The following ACSS2 variants were observed in gnomAD, a reference collection of about 807,000 sequenced individuals.
The protein encoded by ACSS2 is acetyl-coenzyme A synthetase, cytoplasmic.
In ACSS2, 58 loss-of-function variants were observed where a neutral mutation model predicts 90.6. That is an observed-to-expected ratio of 0.64 (90% CI 0.52 to 0.80). The LOEUF is 0.80. Among genes scored for constraint, ACSS2 ranks in the 30% least tolerant of loss-of-function variants. The pLI is 0.00. For missense variants in ACSS2, 759 were observed against 912.0 expected (o/e 0.83, Z 2.16); for synonymous variants, 300 against 330.9 (o/e 0.91, Z 1.01).
At chr20:34,893,815 T>C (rs948141819) in intron 2 of ACSS2, among the ~76,000 whole-genome samples, 1 of 152,202 alleles carries the variant, frequency 6.6e-6, no homozygotes, top group Non-Finnish European at 1.5e-5. Flanking sequence ...TCTAGGGTTC[T>C]AAGGTCTGGT....
chr20:34,905,361 C>T (rs1030827262), intron 2 of ACSS2, among the ~76,000 whole-genome samples: 5 of 152,072 alleles, frequency 3.3e-5, no homozygotes, highest in South Asian at 2.1e-4. Context: ...CAAGCTCCAC[C>T]TCCTGGGTTC....
At chr20:34,918,601 A>G (rs1029023356) in intron 7 of ACSS2, among the ~76,000 whole-genome samples, 1 of 152,124 alleles carries the variant, frequency 6.6e-6, no homozygotes, top group Non-Finnish European at 1.5e-5. Context: ...AAAAGTCTCT[A>G]TGGGAAACCC....
intron 2 of ACSS2, among the ~76,000 whole-genome samples, chr20:34,911,326 TAC>T (rs962068031): frequency 6.6e-6 from 1 of 151,994 alleles, no homozygotes; most frequent in Non-Finnish European, 1.5e-5. Context: ...TAGCTGGCAT[TAC>T]AAGCATGCAC....
At chr20:34,920,861 C>A in intron 9 of ACSS2, 145 bp from the exon 10 acceptor site, 1 of 1,476,480 alleles carries the variant, frequency 6.8e-7, no homozygotes, top group Admixed American at 1.8e-5. Context: ...CGTATCCTGA[C>A]TAGGATGGTA....
At chr20:34,897,800 G>A (rs942041086) in intron 2 of ACSS2, among the ~76,000 whole-genome samples, 19 of 151,992 alleles carry the variant, frequency 1.3e-4, no homozygotes, top group Non-Finnish European at 2.2e-4. Context: ...CCACACTCCA[G>A]CCTGGGCAAC....
intron 2 of ACSS2, among the ~76,000 whole-genome samples, chr20:34,889,969 T>C (rs942126783): frequency 6.6e-6 from 1 of 152,134 alleles, no homozygotes; most frequent in African/African-American, 2.4e-5. Context: ...GAAATGGGAA[T>C]GTGAAGCCAG....
At chr20:34,926,726 T>C in intron 16 of ACSS2, 151 bp from the exon 17 acceptor site, 1 of 710,436 alleles carries the variant, frequency 1.4e-6, no homozygotes, top group Non-Finnish European at 2.4e-6. Context: ...GACAAGTGTG[T>C]TGAGAGCAAG....
At chr20:34,907,279 G>A (rs1031402320) in intron 2 of ACSS2, among the ~76,000 whole-genome samples, 4 of 151,904 alleles carry the variant, frequency 2.6e-5, no homozygotes, top group African/African-American at 7.2e-5. Flanking sequence ...CACCATGCCC[G>A]GCTAATTTTT....
chr20:34,904,863 A>T (rs1311988617), intron 2 of ACSS2, among the ~76,000 whole-genome samples: 1 of 151,394 alleles, frequency 6.6e-6, no homozygotes, highest in Non-Finnish European at 1.5e-5. Context: ...CCACCAGCTA[A>T]ATTTCTCATT....
chr20:34,913,785 A>G lies in ACSS2; in HGVS notation c.603A>G (p.Glu201=). 1 of 1,614,110 alleles carries G rather than the reference A, an allele frequency of 6.2e-7. No homozygotes were observed. Among genetic ancestry groups the G allele is most frequent in the Non-Finnish European group, 8.5e-7 (1 of 1,180,012 alleles). ...FAGFSSESLC[E]RILDSSCSLL... The stretch of plus-strand genomic sequence containing the variant: ...GCTTCTCTTCAGAGTCTCTATGTGA[A>G]CGGATCTTGGATTCCAGCTGCAGTC... The change falls in exon 5 of 18, where the codon GAA becomes GAG. Residue 201 remains glutamate (E), a synonymous_variant. Transcript: ENST00000360596.
intron 2 of ACSS2, among the ~76,000 whole-genome samples, chr20:34,898,259 T>C (rs1275372529): frequency 6.6e-6 from 1 of 152,196 alleles, no homozygotes; most frequent in Non-Finnish European, 1.5e-5. Context: ...AGCCTGCTTT[T>C]ATTCTCTTAT....
At chr20:34,895,517 G>A (rs1423746853) in intron 2 of ACSS2, among the ~76,000 whole-genome samples, 1 of 152,234 alleles carries the variant, frequency 6.6e-6, no homozygotes, top group African/African-American at 2.4e-5. Context: ...TTACGTGGAT[G>A]AATTAAGATG....
chr20:34,912,699 C>T (rs906364429), intron 2 of ACSS2, among the ~76,000 whole-genome samples: 1 of 152,190 alleles, frequency 6.6e-6, no homozygotes, highest in Admixed American at 6.5e-5. Context: ...TCTACAAATC[C>T]TCTAGATGAT....
chr20:34,902,340 A>T (rs1054415523), intron 2 of ACSS2, among the ~76,000 whole-genome samples: 1 of 152,164 alleles, frequency 6.6e-6, no homozygotes, highest in African/African-American at 2.4e-5. Context: ...CAATAAGTAA[A>T]CAAATAACAA....
intron 7 of ACSS2, among the ~76,000 whole-genome samples, chr20:34,916,691 A>T (rs777076108): frequency 1.3e-5 from 2 of 152,238 alleles, no homozygotes; most frequent in African/African-American, 4.8e-5. Flanking sequence ...AATGGGCCCC[A>T]TATTTAAAAA....
chr20:34,908,720 G>A, intron 2 of ACSS2: 2 of 292,922 alleles, frequency 6.8e-6, no homozygotes, highest in South Asian at 2.9e-5. Flanking sequence ...AATTAGCCAG[G>A]TGTGGTGGTG....
intron 2 of ACSS2, among the ~76,000 whole-genome samples, chr20:34,885,381 C>A (rs937111662): frequency 1.3e-5 from 2 of 152,124 alleles, no homozygotes; most frequent in African/African-American, 4.8e-5. Context: ...TCCTGAGGCC[C>A]TTTCTTTCTA....
chr20:34,923,205 C>CT, intron 13 of ACSS2, 118 bp from the exon 14 acceptor site: 1 of 731,878 alleles, frequency 1.4e-6, no homozygotes, highest in Admixed American at 2.3e-5. Flanking sequence ...CCAGGATCCT[C>CT]TGTCTCCAAA....
At chr20:34,917,348 GTTC>G (rs886136778) in intron 7 of ACSS2, among the ~76,000 whole-genome samples, 2 of 151,790 alleles carry the variant, frequency 1.3e-5, no homozygotes, top group Non-Finnish European at 2.9e-5. Context: ...AATCAGGTGT[GTTC>G]TTATGTTTTC....
Sources: allele counts gnomAD v4.1 joint callset (sites outside exome capture counted in the v4.1 genomes callset), GRCh38; gene constraint gnomAD v4.1.1; transcripts MANE v1.5; gene names NCBI Gene and HGNC (gene_info 2026-07-23, HGNC 2026-07-21).